TPTE2: variants seen among roughly 807,000 people sequenced by gnomAD.
The protein encoded by TPTE2 is phosphatidylinositol 3,4,5-trisphosphate 3-phosphatase TPTE2.
A neutral mutation model predicts 78.6 loss-of-function variants in TPTE2; 53 were observed. That is an observed-to-expected ratio of 0.67 (90% CI 0.54 to 0.85). The LOEUF is 0.85. TPTE2 is among the 40% of genes least tolerant of loss of function. The probability of loss-of-function intolerance (pLI) is 0.00; values close to 1 mark genes in which losing one functional copy is unlikely to be tolerated. For synonymous variants in TPTE2, 175 were observed against 206.2 expected (o/e 0.85, Z 1.30); for missense variants, 461 against 623.0 (o/e 0.74, Z 2.77).
intron 1 of TPTE2, among the ~76,000 whole-genome samples, chr13:19,530,395 G>T (rs1870792842): frequency 6.6e-6 from 1 of 152,180 alleles, no homozygotes; most frequent in Non-Finnish European, 1.5e-5. Context: ...ACTGACCTCA[G>T]CCACCAAACA....
chr13:19,494,466 G>A (rs951000056), intron 1 of TPTE2, among the ~76,000 whole-genome samples: 1 of 151,898 alleles, frequency 6.6e-6, no homozygotes, highest in African/African-American at 2.4e-5. Flanking sequence ...GGAATGCAGC[G>A]GCATGTTCTC....
At chr13:19,514,590 A>AGTGTGTGTGTGTGTGTGTGTGTGT (rs1282304990) in intron 1 of TPTE2, among the ~76,000 whole-genome samples, 3 of 18,656 alleles carry the variant, frequency 1.6e-4, no homozygotes, top group East Asian at 7.5e-3. Context: ...AGTACTTCTG[A>AGTGTGTGTGTGTGTGTGTGTGTGT]GAGTGTGTGT....
At chr13:19,478,537 ATT>A in intron 4 of TPTE2, among the ~76,000 whole-genome samples, 1 of 152,334 alleles carries the variant, frequency 6.6e-6, no homozygotes, top group Admixed American at 6.5e-5. Context: ...ATGTGGAGAA[ATT>A]GAACACTTTT....
intron 10 of TPTE2, among the ~76,000 whole-genome samples, chr13:19,452,813 A>G (rs1393720975): frequency 2.0e-5 from 3 of 152,150 alleles, no homozygotes; most frequent in Non-Finnish European, 4.4e-5. Context: ...CAATCTATAC[A>G]GAAAAAGCCT....
intron 1 of TPTE2, among the ~76,000 whole-genome samples, chr13:19,511,763 A>T (rs1235779990): frequency 2.6e-5 from 4 of 152,190 alleles, no homozygotes; most frequent in Admixed American, 2.0e-4. Flanking sequence ...TAATGTAAGA[A>T]TTTATAAGTT....
rs1360739781 is a variant in TPTE2, at chr13:19,497,981, G to C, written c.12-4480C>G. ...GGAGCTGACGGAGCTGAAAACCAAG[G>C]CTCGAGAACTACGTGAAGAATGCAG... On this transcript the variant is annotated intron_variant, in intron 1 of 19. Transcript: ENST00000400230. Among the ~76,000 whole-genome samples the C allele has an allele frequency of 2.2e-4, 33 of 151,626 alleles. 1 individual carries two copies. Among genetic ancestry groups the C allele is most frequent in the Admixed American group, 2.0e-3 (31 of 15,212 alleles).
chr13:19,446,282 T>C (rs1159671359), intron 13 of TPTE2, among the ~76,000 whole-genome samples: 1 of 152,196 alleles, frequency 6.6e-6, no homozygotes, highest in Middle Eastern at 3.2e-3. Flanking sequence ...AAGACAATTC[T>C]GCCTTTATCA....
At chr13:19,505,186 G>A (rs1308756756), upstream of TPTE2, among the ~76,000 whole-genome samples, 1 of 151,914 alleles carries the variant, frequency 6.6e-6, no homozygotes, top group Non-Finnish European at 1.5e-5. Flanking sequence ...TCTCATCGAG[G>A]CTGGAGTGCA....
chr13:19,437,665 T>A (rs567397065), intron 14 of TPTE2, among the ~76,000 whole-genome samples: 7 of 152,270 alleles, frequency 4.6e-5, no homozygotes, highest in African/African-American at 1.2e-4. Flanking sequence ...GGGAAGCATG[T>A]TGATTACTGA....
Position 19,424,966 on chromosome 13 carries a change from A to G in TPTE2, c.1447T>C (p.Ser483Pro), listed in dbSNP as rs1230253250. 3 of 1,539,088 alleles carry G rather than the reference A, an allele frequency of 1.9e-6. No individual in the cohort carries two copies. In the East Asian group the frequency reaches 6.9e-5, roughly 35 times the overall value. The change falls in exon 19 of 20, where the codon TCT becomes CCT. Residue 483 changes from serine to proline, a missense_variant. Coordinates refer to ENST00000400230, the Ensembl canonical transcript of TPTE2. ...TCATACCTGTTATTTTGAATAAAAGACGTGTTGAACCAGAAGAAAAATGGA... is the reference window on the plus strand; with the variant it reads ...TCATACCTGTTATTTTGAATAAAAGGCGTGTTGAACCAGAAGAAAAATGGA...
At chr13:19,427,292 C>T (rs539700943) in intron 17 of TPTE2, among the ~76,000 whole-genome samples, 1 of 151,378 alleles carries the variant, frequency 6.6e-6, no homozygotes, top group African/African-American at 2.4e-5. Flanking sequence ...ACCATGTTGG[C>T]CAGAATGGTC....
chr13:19,458,741 T>G (rs1181259115), intron 10 of TPTE2: 1 of 438,700 alleles, frequency 2.3e-6, no homozygotes. Flanking sequence ...CTTTCATCAC[T>G]GGCACTACAA....
intron 10 of TPTE2, among the ~76,000 whole-genome samples, chr13:19,459,059 T>C (rs1165000284): frequency 1.3e-5 from 2 of 152,190 alleles, no homozygotes; most frequent in African/African-American, 4.8e-5. Flanking sequence ...CATTCCTTTT[T>C]CTCCACAACC....
intron 10 of TPTE2, among the ~76,000 whole-genome samples, chr13:19,462,932 G>A (rs548537355): frequency 2.0e-5 from 3 of 151,580 alleles, no homozygotes; most frequent in South Asian, 4.2e-4. Flanking sequence ...GAGAACCTTC[G>A]AGCTTCCTAG....
chr13:19,544,060 CAAA>C, the TPTE2 span, among the ~76,000 whole-genome samples: 459 of 31,956 alleles, frequency 0.014, 3 homozygotes, highest in Non-Finnish European at 0.019. Context: ...GAACCTGTCT[CAAA>C]AAAAAAAAAA....
chr13:19,438,144 C>T (rs749779423), exon 14 of TPTE2: 9 of 1,607,916 alleles, frequency 5.6e-6, no homozygotes, highest in Non-Finnish European at 7.7e-6. Flanking sequence ...AACCATAGTC[C>T]CGGTTCTTCC....
chr13:19,440,012 A>T (rs1433355626), intron 13 of TPTE2, among the ~76,000 whole-genome samples: 1 of 152,238 alleles, frequency 6.6e-6, no homozygotes, highest in Admixed American at 6.5e-5. Flanking sequence ...AGAAAAAGAA[A>T]ACAGCCTGGA....
chr13:19,438,263 G>T, intron 13 of TPTE2, 110 bp from the exon 17 acceptor site: 6 of 1,410,574 alleles, frequency 4.3e-6, no homozygotes, highest in Non-Finnish European at 5.6e-6. Flanking sequence ...TTGAGACAGG[G>T]TCTTGCTGTG....
At chr13:19,546,208 AG>A in the TPTE2 span, among the ~76,000 whole-genome samples, 1 of 152,122 alleles carries the variant, frequency 6.6e-6, no homozygotes, top group Non-Finnish European at 1.5e-5. Context: ...TTAAAAGAAA[AG>A]AAAAAAAAAC....
Sources: allele counts gnomAD v4.1 joint callset (sites outside exome capture counted in the v4.1 genomes callset), GRCh38; gene constraint gnomAD v4.1.1; transcripts MANE v1.5; gene names NCBI Gene and HGNC (gene_info 2026-07-23, HGNC 2026-07-21).